The following ST3GAL6 variants were observed in gnomAD, a reference collection of about 807,000 sequenced individuals.
ST3GAL6 encodes ST3 beta-galactoside alpha-2,3-sialyltransferase 6.
In ST3GAL6, 31 loss-of-function variants were observed where a neutral mutation model predicts 40.5. The observed-to-expected ratio is 0.77, with a 90% CI of 0.58 to 1.03. The LOEUF (loss-of-function observed/expected upper bound fraction) is 1.03, where lower values mean the gene tolerates loss of function less well. ST3GAL6 is among the 50% of genes least tolerant of loss of function. ST3GAL6 has a pLI of 0.00. For missense variants in ST3GAL6, 357 were observed against 393.2 expected (o/e 0.91, Z 0.78); for synonymous variants, 129 against 136.9 (o/e 0.94, Z 0.40).
At chr3:98,743,909 C>G (rs536807135) in intron 1 of ST3GAL6, among the ~76,000 whole-genome samples, 36 of 150,580 alleles carry the variant, frequency 2.4e-4, no homozygotes, top group African/African-American at 8.6e-4. Context: ...CCTCCCCCCC[C>G]CGCTCCAAGA....
intron 5 of ST3GAL6, among the ~76,000 whole-genome samples, chr3:98,781,119 A>G (rs1219127132): frequency 4.6e-5 from 7 of 152,242 alleles, no homozygotes. Context: ...AAAATGTGAC[A>G]CATAGACACC....
At chr3:98,788,983 T>G (rs897724784) in intron 8 of ST3GAL6, among the ~76,000 whole-genome samples, 4 of 152,228 alleles carry the variant, frequency 2.6e-5, no homozygotes, top group Non-Finnish European at 4.4e-5. Flanking sequence ...TCTCAAGAAA[T>G]GGTAGCTACA....
intron 3 of ST3GAL6, 94 bp downstream of exon 3, chr3:98,771,050 T>G (rs772130907): frequency 6.6e-7 from 1 of 1,520,076 alleles, no homozygotes; most frequent in African/African-American, 1.4e-5. Flanking sequence ...AATGCAAATC[T>G]TAGCAGTATA....
intron 1 of ST3GAL6, among the ~76,000 whole-genome samples, chr3:98,740,315 T>C (rs1935960462): frequency 7.5e-6 from 1 of 133,700 alleles, no homozygotes; most frequent in South Asian, 2.5e-4. Context: ...TACAAAAATC[T>C]TATATTCAAG....
chr3:98,782,621 C>A, intron 5 of ST3GAL6: 3 of 393,628 alleles, frequency 7.6e-6, no homozygotes, highest in Non-Finnish European at 9.0e-6. Flanking sequence ...GTACAGTAAC[C>A]CAGCTGGCCT....
chr3:98,752,597 G>A (rs1215513395), intron 1 of ST3GAL6, among the ~76,000 whole-genome samples: 3 of 152,030 alleles, frequency 2.0e-5, no homozygotes, highest in African/African-American at 7.2e-5. Context: ...TCAGCCTCGC[G>A]AGTAGCTGGG....
intron 5 of ST3GAL6, among the ~76,000 whole-genome samples, chr3:98,777,121 G>A (rs1026918421): frequency 1.1e-4 from 17 of 152,156 alleles, no homozygotes; most frequent in African/African-American, 3.6e-4. Context: ...CACCGATCAC[G>A]CCTACCTCCC....
At chr3:98,771,973 T>A (rs1451198934) in intron 3 of ST3GAL6, among the ~76,000 whole-genome samples, 1 of 152,190 alleles carries the variant, frequency 6.6e-6, no homozygotes, top group Non-Finnish European at 1.5e-5. Context: ...ATTCACTTTT[T>A]AAAAAGATGC....
intron 1 of ST3GAL6, 21 bp downstream of exon 1, chr3:98,763,460 C>A (rs1314104749): frequency 5.4e-6 from 7 of 1,289,380 alleles, no homozygotes; most frequent in African/African-American, 1.5e-5. Context: ...AACAAGGTTA[C>A]CTGCTTAAGG....
upstream of ST3GAL6, among the ~76,000 whole-genome samples, chr3:98,760,213 A>G (rs1328928390): frequency 6.6e-6 from 1 of 152,188 alleles, no homozygotes; most frequent in Non-Finnish European, 1.5e-5. Context: ...TCGGCTGGAT[A>G]CAATTCCTTT....
chr3:98,778,367 GTATT>G (rs1939749212), intron 5 of ST3GAL6, among the ~76,000 whole-genome samples: 1 of 152,228 alleles, frequency 6.6e-6, no homozygotes, highest in Non-Finnish European at 1.5e-5. Context: ...CATTAGTGGT[GTATT>G]TATTGAAAAA....
At chr3:98,753,514 G>A (rs1049578947) in intron 1 of ST3GAL6, among the ~76,000 whole-genome samples, 4 of 152,232 alleles carry the variant, frequency 2.6e-5, no homozygotes, top group African/African-American at 9.6e-5. Context: ...GGAAGAAGAT[G>A]GCTTCTGGGA....
At chr3:98,785,137 T>A (rs1940574108) in intron 6 of ST3GAL6, 97 bp downstream of exon 6, 1 of 842,050 alleles carries the variant, frequency 1.2e-6, no homozygotes, top group African/African-American at 1.7e-5. Flanking sequence ...GGGAGATGTT[T>A]CCATTTGGTT....
At chr3:98,792,211 G>A (rs776529922) in intron 9 of ST3GAL6, among the ~76,000 whole-genome samples, 8 of 152,078 alleles carry the variant, frequency 5.3e-5, no homozygotes, top group Admixed American at 1.3e-4. Context: ...TGGGCCTCAT[G>A]GTTATTGCCA....
At chr3:98,767,639 A>C (rs2107159495) in intron 1 of ST3GAL6, among the ~76,000 whole-genome samples, 1 of 152,392 alleles carries the variant, frequency 6.6e-6, no homozygotes, top group East Asian at 1.9e-4. Flanking sequence ...TAATTACATA[A>C]GACAATGGAA....
At chr3:98,743,958 G>A (rs188183167) in intron 1 of ST3GAL6, among the ~76,000 whole-genome samples, 190 of 144,630 alleles carry the variant, frequency 1.3e-3, no homozygotes, top group Non-Finnish European at 2.5e-3. Flanking sequence ...CTCAGATTGT[G>A]ACCTTATTTG....
chr3:98,732,273 G>C (rs1287887031), exon 1 of ST3GAL6: 1 of 152,390 alleles, frequency 6.6e-6, no homozygotes, highest in African/African-American at 2.4e-5. Context: ...GTCAGTCCGC[G>C]GCGCCACAAG....
intron 1 of ST3GAL6, 94 bp downstream of exon 1, chr3:98,763,533 T>A: frequency 8.5e-7 from 1 of 1,170,578 alleles, no homozygotes; most frequent in Non-Finnish European, 1.1e-6. Context: ...CCACAGGCTG[T>A]GTGGAGGTAG....
chr3:98,743,278 C>T (rs994896249), intron 1 of ST3GAL6, among the ~76,000 whole-genome samples: 7 of 151,984 alleles, frequency 4.6e-5, no homozygotes, highest in South Asian at 2.1e-4. Flanking sequence ...ACCTTGGCCT[C>T]GCAAAGTGCT....
Sources: gnomAD v4.1 joint callset for allele counts (sites outside exome capture counted in the v4.1 genomes callset) on GRCh38, gnomAD v4.1.1 for gene constraint, MANE v1.5 for transcripts, NCBI Gene and HGNC (gene_info 2026-07-23, HGNC 2026-07-21) for gene names.